The following NFAT5 variants were observed in gnomAD, a reference collection of about 807,000 sequenced individuals.
The protein encoded by NFAT5 is nuclear factor of activated T-cells 5.
A neutral mutation model predicts 166.5 loss-of-function variants in NFAT5; 31 were observed. That is an observed-to-expected ratio of 0.19 (90% CI 0.14 to 0.25). NFAT5 has a LOEUF of 0.25. NFAT5 is among the 10% of genes least tolerant of loss of function. NFAT5 has a pLI of 1.00. For synonymous variants in NFAT5, 612 were observed against 639.7 expected (o/e 0.96, Z 0.65); for missense variants, 1,449 against 1,821.8 (o/e 0.80, Z 3.72).
intron 2 of NFAT5, among the ~76,000 whole-genome samples, chr16:69,605,159 G>A (rs1459483430): frequency 6.6e-6 from 1 of 152,170 alleles, no homozygotes; most frequent in African/African-American, 2.4e-5. Flanking sequence ...GAAAGTGGAG[G>A]CCGGGTGTGG....
intron 2 of NFAT5, among the ~76,000 whole-genome samples, chr16:69,573,492 T>G (rs1251418140): frequency 6.6e-6 from 1 of 152,220 alleles, no homozygotes; most frequent in Non-Finnish European, 1.5e-5. Context: ...ATTCTTTTCT[T>G]GTTTAGTATC....
chr16:69,692,951 T>C lies in NFAT5; in HGVS notation c.3126T>C (p.Phe1042=), dbSNP rs779524333. 6.2e-6 allele frequency: 10 copies of C among 1,614,172 alleles called. No homozygotes were observed. The East Asian group carries it at 2.0e-4, about 32-fold the overall frequency. ...SGDNQPQVNL[F]SSTKSMMSVQ... ...ACAATCAACCTCAAGTTAACCTTTT[T>C]TCATCCACAAAAAGTATGATGAGTG... Residue 1042 remains phenylalanine (F), a synonymous_variant, in exon 13 of 15, where the codon TTT becomes TTC. Coordinates refer to ENST00000349945, the MANE Select transcript of NFAT5 (RefSeq NM_138713.4).
intron 10 of NFAT5, among the ~76,000 whole-genome samples, chr16:69,682,222 C>CA (rs1460993801): frequency 6.7e-6 from 1 of 149,100 alleles, no homozygotes; most frequent in East Asian, 2.0e-4. Flanking sequence ...TATTCAGACA[C>CA]AAAAATCACA....
intron 10 of NFAT5, among the ~76,000 whole-genome samples, chr16:69,678,081 C>G (rs776709060): frequency 2.7e-4 from 41 of 151,778 alleles, no homozygotes; most frequent in Admixed American, 1.3e-3. Flanking sequence ...TTGCCTGAAC[C>G]TGGGAGGTAC....
rs1444403554 is a variant in NFAT5, at chr16:69,704,000, GACA to G, written c.*7652_*7654del. On this transcript the variant is annotated 3_prime_UTR_variant, in exon 15 of 15. Coordinates refer to ENST00000349945, the MANE Select transcript of NFAT5 (RefSeq NM_138713.4). The stretch of plus-strand genomic sequence containing the variant: ...TATTATTTTAGCTGATGAACCTCAG[GACA>G]ACGTCTACACACACACACATACATA... The G allele has an allele frequency of 6.6e-6, 1 of 152,278 alleles. No homozygotes were observed. The highest frequency in any genetic ancestry group is 1.5e-5 in the Non-Finnish European group (1 of 67,976). 9.4% of individuals were successfully genotyped at this position (152,278 alleles called of 1,614,324 possible).
chr16:69,661,302 T>C (rs2036123877), intron 7 of NFAT5, among the ~76,000 whole-genome samples: 1 of 149,012 alleles, frequency 6.7e-6, no homozygotes, highest in South Asian at 2.1e-4. Context: ...TTTGTATTCA[T>C]GGAAACTAAC....
At position 69,694,037 on chromosome 16, in the gene NFAT5, C is replaced by T. The variant is rs545266587; in HGVS notation, c.4212C>T (p.Thr1404=). ...LSPASMSALQ[T]SINQQDMQQS... Reference sequence around the variant, plus strand: ...CAGCATCCATGTCTGCCTTGCAGACCAGTATAAATCAACAAGATATGCAAC... The same window carrying T: ...CAGCATCCATGTCTGCCTTGCAGACTAGTATAAATCAACAAGATATGCAAC... Residue 1404 remains threonine, a synonymous_variant, in exon 13 of 15, where the codon ACC becomes ACT. Coordinates refer to ENST00000349945, the MANE Select transcript of NFAT5 (RefSeq NM_138713.4). 2 of 1,614,116 alleles carry T rather than the reference C, an allele frequency of 1.2e-6. No individual in the cohort carries two copies. The highest frequency in any genetic ancestry group is 1.7e-6 in the Non-Finnish European group (2 of 1,180,012).
At chr16:69,587,805 ACT>A (rs1232586677) in intron 2 of NFAT5, among the ~76,000 whole-genome samples, 1 of 152,136 alleles carries the variant, frequency 6.6e-6, no homozygotes, top group Non-Finnish European at 1.5e-5. Context: ...TAGGAATATG[ACT>A]CTGTTTATTA....
intron 2 of NFAT5, among the ~76,000 whole-genome samples, chr16:69,590,971 G>C (rs887675655): frequency 6.6e-6 from 1 of 152,028 alleles, no homozygotes; most frequent in Admixed American, 6.6e-5. Flanking sequence ...TCACTCTGTC[G>C]CCCAGGTTGG....
intron 7 of NFAT5, 41 bp downstream of exon 7, chr16:69,659,940 C>A (rs749938708): frequency 2.7e-6 from 4 of 1,454,778 alleles, no homozygotes; most frequent in Non-Finnish European, 3.7e-6. Flanking sequence ...TATGGAGTTT[C>A]TTTCATTTTC....
intron 3 of NFAT5, among the ~76,000 whole-genome samples, chr16:69,628,412 A>G (rs891769513): frequency 3.3e-5 from 5 of 152,118 alleles, no homozygotes; most frequent in Admixed American, 3.3e-4. Context: ...TAAACTTTCT[A>G]GTTTTGTTAT....
intron 10 of NFAT5, among the ~76,000 whole-genome samples, chr16:69,682,322 T>C (rs1483625277): frequency 6.6e-6 from 1 of 151,196 alleles, no homozygotes; most frequent in Non-Finnish European, 1.5e-5. Context: ...AAAAAGAAAT[T>C]ACTGGCTGGG....
At chr16:69,666,625 C>T (rs1349881974) in intron 7 of NFAT5, among the ~76,000 whole-genome samples, 4 of 152,058 alleles carry the variant, frequency 2.6e-5, no homozygotes, top group Admixed American at 6.6e-5. Flanking sequence ...CAATGAGATA[C>T]CATCTCACAC....
chr16:69,657,419 C>T (rs776998370), intron 6 of NFAT5, among the ~76,000 whole-genome samples: 2 of 151,436 alleles, frequency 1.3e-5, no homozygotes, highest in Non-Finnish European at 2.9e-5. Flanking sequence ...CGTGAGCCAC[C>T]GTGCCTGGCC....
intron 14 of NFAT5, 66 bp downstream of exon 14, chr16:69,695,445 TTAAG>T: frequency 8.8e-7 from 1 of 1,135,686 alleles, no homozygotes. Context: ...CAGATTTAGG[TTAAG>T]TAATAGTAGT....
At chr16:69,679,137 G>A (rs1210489420) in intron 10 of NFAT5, among the ~76,000 whole-genome samples, 1 of 151,922 alleles carries the variant, frequency 6.6e-6, no homozygotes, top group Non-Finnish European at 1.5e-5. Context: ...TGCCATGTTG[G>A]CCAGGCTGGT....
chr16:69,596,058 T>C (rs2032770842), intron 2 of NFAT5, among the ~76,000 whole-genome samples: 1 of 152,214 alleles, frequency 6.6e-6, no homozygotes, highest in South Asian at 2.1e-4. Context: ...TTTAATATTT[T>C]CTGAACTTGG....
intron 2 of NFAT5, among the ~76,000 whole-genome samples, chr16:69,621,321 C>T (rs2034188209): frequency 6.6e-6 from 1 of 151,554 alleles, no homozygotes; most frequent in African/African-American, 2.4e-5. Context: ...TTAGAGGGTA[C>T]AATTCAGTGG....
chr16:69,619,629 G>A (rs1311022434), intron 2 of NFAT5, among the ~76,000 whole-genome samples: 1 of 152,144 alleles, frequency 6.6e-6, no homozygotes, highest in African/African-American at 2.4e-5. Flanking sequence ...CTGTAATTAT[G>A]TTATTAATGT....
Sources: allele counts gnomAD v4.1 joint callset (sites outside exome capture counted in the v4.1 genomes callset), GRCh38; gene constraint gnomAD v4.1.1; transcripts MANE v1.5; gene names NCBI Gene and HGNC (gene_info 2026-07-23, HGNC 2026-07-21).